Variants in CDC73 observed in about 807,000 individuals in gnomAD.
CDC73 encodes cell division cycle 73.
In CDC73, 21 loss-of-function variants were observed where a neutral mutation model predicts 83.7. The observed-to-expected ratio is 0.25, with a 90% CI of 0.18 to 0.36. The LOEUF is 0.36. CDC73 is among the 10% of genes least tolerant of loss of function. CDC73 has a pLI of 1.00. For synonymous variants in CDC73, 224 were observed against 212.9 expected (o/e 1.05, Z -0.45); for missense variants, 342 against 653.3 (o/e 0.52, Z 5.19).
At chr1:193,167,262 A>G (rs957458669) in intron 10 of CDC73, among the ~76,000 whole-genome samples, 1 of 152,152 alleles carries the variant, frequency 6.6e-6, no homozygotes, top group South Asian at 2.1e-4. Flanking sequence ...TTCAGGTTGT[A>G]CTTCATTAGT....
intron 11 of CDC73, among the ~76,000 whole-genome samples, chr1:193,205,319 T>C (rs1677170520): frequency 6.7e-6 from 1 of 150,292 alleles, no homozygotes; most frequent in Admixed American, 6.7e-5. Flanking sequence ...AATTTCACAG[T>C]ATCAATAGTG....
intron 15 of CDC73, among the ~76,000 whole-genome samples, chr1:193,249,395 T>C (rs764023372): frequency 5.3e-5 from 8 of 152,044 alleles, no homozygotes; most frequent in African/African-American, 7.2e-5. Flanking sequence ...CCAGGAAATA[T>C]GCGTAACTCA....
In CDC73 at chr1:193,122,117, A is replaced by C; in HGVS notation, c.-84A>C. ...TCGCGGCGGCGAAGGAGGAGGAGGA[A>C]GAGGGCGAGGCGACAAGAGAAGAAG... On this transcript the variant is annotated 5_prime_UTR_variant, in exon 1 of 17. Transcript: ENST00000367435. 7.3e-7 allele frequency: 1 copy of C among 1,364,932 alleles called. No homozygotes were observed. The highest frequency in any genetic ancestry group is 1.0e-6 in the Non-Finnish European group (1 of 958,444). The allele number at this position is 1,364,932 out of a possible 1,614,324, so 84.6% of individuals were successfully genotyped here. A position where few individuals can be genotyped will look rare whatever the true frequency, so the allele number is the denominator to read the frequency against.
intron 10 of CDC73, among the ~76,000 whole-genome samples, chr1:193,162,292 T>G (rs1233386789): frequency 1.3e-3 from 164 of 125,514 alleles, no homozygotes; most frequent in South Asian, 4.2e-3. Flanking sequence ...ATATATGATA[T>G]ATTATATATA....
chr1:193,170,430 T>G (rs1676501042), intron 10 of CDC73, among the ~76,000 whole-genome samples: 1 of 152,164 alleles, frequency 6.6e-6, no homozygotes, highest in Non-Finnish European at 1.5e-5. Flanking sequence ...TAAGCCTACC[T>G]TTTTCTACAC....
At chr1:193,200,497 GT>G (rs1436335050) in intron 10 of CDC73, among the ~76,000 whole-genome samples, 8 of 152,112 alleles carry the variant, frequency 5.3e-5, no homozygotes, top group Admixed American at 2.6e-4. Context: ...TTCTCTCACT[GT>G]TTTTCCCTTC....
chr1:193,220,197 C>G (rs922709372), intron 13 of CDC73, among the ~76,000 whole-genome samples: 1 of 128,976 alleles, frequency 7.8e-6, no homozygotes, highest in Non-Finnish European at 1.6e-5. Flanking sequence ...GACGGAGTCT[C>G]GCCGTGTCAC....
chr1:193,146,486 C>T (rs1462452150), intron 7 of CDC73, among the ~76,000 whole-genome samples: 1 of 138,006 alleles, frequency 7.2e-6, no homozygotes, highest in Non-Finnish European at 1.6e-5. Flanking sequence ...AGCAAGCAAG[C>T]AAGCAAGCAA....
At chr1:193,153,353 T>A (rs1202102617) in intron 10 of CDC73, among the ~76,000 whole-genome samples, 2 of 152,186 alleles carry the variant, frequency 1.3e-5, no homozygotes, top group Non-Finnish European at 2.9e-5. Context: ...TCTAGACCAT[T>A]CTACCTTTTA....
chr1:193,144,112 CA>C (rs67477778), intron 7 of CDC73, among the ~76,000 whole-genome samples: 93 of 64,384 alleles, frequency 1.4e-3, no homozygotes, highest in East Asian at 9.7e-3. Flanking sequence ...TCTGTCTCAC[CA>C]AAAAAAAAAA....
chr1:193,216,550 C>T (rs1056825459), intron 13 of CDC73, among the ~76,000 whole-genome samples: 1 of 151,962 alleles, frequency 6.6e-6, no homozygotes, highest in Admixed American at 6.6e-5. Context: ...CTACTGAAAT[C>T]GCCCCAAAAA....
At chr1:193,203,083 GA>G (rs1157339383) in intron 10 of CDC73, among the ~76,000 whole-genome samples, 10 of 152,010 alleles carry the variant, frequency 6.6e-5, no homozygotes, top group African/African-American at 2.4e-4. Context: ...ATATCACTGT[GA>G]ATATGATTGA....
intron 10 of CDC73, among the ~76,000 whole-genome samples, chr1:193,155,038 A>T (rs1676182840): frequency 6.6e-6 from 1 of 152,354 alleles, no homozygotes; most frequent in East Asian, 1.9e-4. Context: ...TAATAAAATT[A>T]GGATCAGTCT....
intron 10 of CDC73, among the ~76,000 whole-genome samples, chr1:193,203,177 A>G (rs1386277468): frequency 6.6e-6 from 1 of 152,118 alleles, no homozygotes; most frequent in Non-Finnish European, 1.5e-5. Flanking sequence ...ATATACTTCA[A>G]CACTTACCAT....
At chr1:193,165,043 C>T (rs1676412361) in intron 10 of CDC73, among the ~76,000 whole-genome samples, 1 of 152,152 alleles carries the variant, frequency 6.6e-6, no homozygotes, top group Non-Finnish European at 1.5e-5. Flanking sequence ...GGATTTCCTG[C>T]TGGGTTTTGG....
chr1:193,223,942 A>G (rs112744622), intron 13 of CDC73, among the ~76,000 whole-genome samples: 3,841 of 151,462 alleles, frequency 0.025, 74 homozygotes, highest in Middle Eastern at 0.051. Context: ...TTTTTATAAT[A>G]TGTAATAAAT....
intron 15 of CDC73, among the ~76,000 whole-genome samples, chr1:193,239,783 T>C (rs896168893): frequency 6.6e-6 from 1 of 152,202 alleles, no homozygotes; most frequent in Non-Finnish European, 1.5e-5. Context: ...TTTAGAAATA[T>C]ATAATACATT....
At chr1:193,129,487 A>AATTTATTTATTTATTTATTT (rs67384798) in intron 2 of CDC73, among the ~76,000 whole-genome samples, 4,004 of 142,816 alleles carry the variant, frequency 0.028, 86 homozygotes, top group Middle Eastern at 0.039. Context: ...TTCAAAAAGA[A>AATTTATTTATTTATTTATTT]ATTTATTTAT....
At chr1:193,130,629 T>G (rs1452864778) in intron 3 of CDC73, among the ~76,000 whole-genome samples, 3 of 152,240 alleles carry the variant, frequency 2.0e-5, no homozygotes, top group Non-Finnish European at 4.4e-5. Flanking sequence ...ATCTCCTCCC[T>G]GATACTGTAA....
Sources: allele counts gnomAD v4.1 joint callset (sites outside exome capture counted in the v4.1 genomes callset), GRCh38; gene constraint gnomAD v4.1.1; transcripts MANE v1.5; gene names NCBI Gene and HGNC (gene_info 2026-07-23, HGNC 2026-07-21).